The following RGS5 variants were observed in gnomAD, a reference collection of about 807,000 sequenced individuals.
RGS5 encodes the protein regulator of G protein signaling 5.
RGS5 carries 20 observed loss-of-function variants against 18.9 expected under a neutral mutation model. The observed-to-expected ratio is 1.06, with a 90% CI of 0.74 to 1.54. RGS5 has a LOEUF of 1.54. Among genes scored for constraint, RGS5 ranks in the 40% most tolerant of loss-of-function variants. The pLI, the probability that RGS5 is intolerant of heterozygous loss-of-function variation, is 0.00. For synonymous variants in RGS5, 57 were observed against 76.2 expected (o/e 0.75, Z 1.31); for missense variants, 201 against 211.8 (o/e 0.95, Z 0.32).
chr1:163,161,334 T>C (rs1004008565), intron 3 of RGS5, among the ~76,000 whole-genome samples: 2 of 152,198 alleles, frequency 1.3e-5, no homozygotes, highest in South Asian at 2.1e-4. Flanking sequence ...CTAGTGCTTA[T>C]TGATGCACTG....
At chr1:163,207,256 T>C (rs1458905298), upstream of RGS5, among the ~76,000 whole-genome samples, 12 of 152,340 alleles carry the variant, frequency 7.9e-5, no homozygotes, top group East Asian at 2.3e-3. Context: ...GCAAATATAA[T>C]TGAATTTCTT....
At chr1:163,288,092 CACA>C (rs1235773331) in intron 2 of RGS5, among the ~76,000 whole-genome samples, 5 of 151,508 alleles carry the variant, frequency 3.3e-5, no homozygotes, top group African/African-American at 1.2e-4. Flanking sequence ...TTTAAAAGCA[CACA>C]ACAGTTTTTA....
chr1:163,274,379 T>G (rs969524612), intron 2 of RGS5, among the ~76,000 whole-genome samples: 1 of 127,672 alleles, frequency 7.8e-6, no homozygotes, highest in Admixed American at 7.4e-5. Flanking sequence ...GTGAATGCAT[T>G]CATACGCCAA....
intron 2 of RGS5, chr1:163,260,710 C>T (rs895895825): frequency 2.6e-5 from 4 of 151,408 alleles, no homozygotes; most frequent in Admixed American, 2.0e-4. Flanking sequence ...CTAGATATTC[C>T]ACTTGCTTTG....
At chr1:163,272,446 C>T (rs1233108706) in intron 2 of RGS5, among the ~76,000 whole-genome samples, 1 of 151,988 alleles carries the variant, frequency 6.6e-6, no homozygotes, top group Non-Finnish European at 1.5e-5. Context: ...TCTTGTATGG[C>T]TTCTGCTTTG....
chr1:163,263,301 T>C (rs1178389533), intron 2 of RGS5, among the ~76,000 whole-genome samples: 1 of 152,204 alleles, frequency 6.6e-6, no homozygotes, highest in African/African-American at 2.4e-5. Context: ...TTCAGCCCTG[T>C]CCATATTCAA....
At chr1:163,246,693 A>G (rs1647951972) in intron 2 of RGS5, among the ~76,000 whole-genome samples, 1 of 152,182 alleles carries the variant, frequency 6.6e-6, no homozygotes, top group Non-Finnish European at 1.5e-5. Flanking sequence ...TTGTTACAAA[A>G]CCCACTTGTG....
chr1:163,199,506 G>A (rs2101658288), intron 1 of RGS5, among the ~76,000 whole-genome samples: 1 of 151,942 alleles, frequency 6.6e-6, no homozygotes, highest in Admixed American at 6.6e-5. Context: ...GCAGATTTTT[G>A]GATATCCTTA....
chr1:163,187,225 AAAAAT>A (rs1484058480), intron 1 of RGS5, among the ~76,000 whole-genome samples: 2 of 152,170 alleles, frequency 1.3e-5, no homozygotes, highest in African/African-American at 4.8e-5. Flanking sequence ...GGAAATTTTA[AAAAAT>A]AAAATAAAAG....
chr1:163,196,786 C>A (rs1659578873), intron 1 of RGS5, among the ~76,000 whole-genome samples: 1 of 152,126 alleles, frequency 6.6e-6, no homozygotes, highest in Non-Finnish European at 1.5e-5. Flanking sequence ...ATAGCAGGCA[C>A]CTCTCTTTAT....
At chr1:163,194,645 C>G (rs143657212) in intron 1 of RGS5, among the ~76,000 whole-genome samples, 1 of 151,954 alleles carries the variant, frequency 6.6e-6, no homozygotes, top group Non-Finnish European at 1.5e-5. Context: ...TCTAAAAAGA[C>G]TGTGTTTTTC....
chr1:163,174,487 T>C (rs371704701), intron 1 of RGS5, among the ~76,000 whole-genome samples: 1 of 152,168 alleles, frequency 6.6e-6, no homozygotes, highest in Non-Finnish European at 1.5e-5. Flanking sequence ...AATATTGGAG[T>C]GCAGCTTAGA....
chr1:163,169,041 T>C (rs1352715376), intron 1 of RGS5, among the ~76,000 whole-genome samples: 1 of 129,682 alleles, frequency 7.7e-6, no homozygotes, highest in African/African-American at 2.9e-5. Flanking sequence ...GTCCCTGGTG[T>C]GTGATGTTCC....
At chr1:163,284,175 C>G (rs1485583790) in intron 2 of RGS5, among the ~76,000 whole-genome samples, 1 of 152,108 alleles carries the variant, frequency 6.6e-6, no homozygotes, top group Non-Finnish European at 1.5e-5. Flanking sequence ...TGACCTATAA[C>G]TCTTTTGTTG....
chr1:163,255,947 G>A (rs979114271), intron 2 of RGS5, among the ~76,000 whole-genome samples: 46 of 152,236 alleles, frequency 3.0e-4, no homozygotes, highest in Admixed American at 7.8e-4. Flanking sequence ...ATTAGGTATT[G>A]ATGGGATGTA....
At position 163,263,736 on chromosome 1, in the gene RGS5, C is replaced by T. The variant is rs149274297; in HGVS notation, c.-281+42497G>A. Among the ~76,000 whole-genome samples the T allele has an allele frequency of 3.3e-4, 50 of 151,894 alleles. No individual in the cohort carries two copies. The East Asian group carries it at 9.1e-3, about 28-fold the overall frequency. On this transcript the variant is annotated intron_variant, in intron 2 of 5. Coordinates refer to the RGS5 transcript ENST00000618415. ...TGTTCCCAGAAAGATTTGGTGTTTTCGGAATATTTTGTTTAAATTATTATC... is the reference window on the plus strand; with the variant it reads ...TGTTCCCAGAAAGATTTGGTGTTTTTGGAATATTTTGTTTAAATTATTATC...
chr1:163,224,161 C>A (rs755271208), intron 2 of RGS5, among the ~76,000 whole-genome samples: 3 of 151,894 alleles, frequency 2.0e-5, no homozygotes, highest in Non-Finnish European at 2.9e-5. Flanking sequence ...AGAACTTGTC[C>A]CTCCTATCTA....
At chr1:163,308,324 A>ATC (rs1557938191) in intron 1 of RGS5, among the ~76,000 whole-genome samples, 1 of 152,226 alleles carries the variant, frequency 6.6e-6, no homozygotes, top group African/African-American at 2.4e-5. Flanking sequence ...GTGTGACACA[A>ATC]TAAGTAATAA....
chr1:163,289,502 CTTTGTTCCCTGAA>C (rs1407735417), intron 2 of RGS5, among the ~76,000 whole-genome samples: 1 of 151,998 alleles, frequency 6.6e-6, no homozygotes, highest in Non-Finnish European at 1.5e-5. Flanking sequence ...TTTTAAATAT[CTTTGTTCCCTGAA>C]TTTCTAAGAA....
Sources: gnomAD v4.1 joint callset for allele counts (sites outside exome capture counted in the v4.1 genomes callset) on GRCh38, gnomAD v4.1.1 for gene constraint, MANE v1.5 for transcripts, NCBI Gene and HGNC (gene_info 2026-07-23, HGNC 2026-07-21) for gene names.